Variants in LARP1 observed in about 807,000 individuals in gnomAD.
The protein encoded by LARP1 is la-related protein 1.
In LARP1, 36 loss-of-function variants were observed where a neutral mutation model predicts 122.7. That is an observed-to-expected ratio of 0.29 (90% CI 0.22 to 0.39). The LOEUF (loss-of-function observed/expected upper bound fraction) is 0.39. Ranked by LOEUF, LARP1 falls within the 10% of genes least tolerant of loss-of-function variation. The probability of loss-of-function intolerance (pLI) is 1.00; values close to 1 mark genes in which losing one functional copy is unlikely to be tolerated. For synonymous variants in LARP1, 539 were observed against 528.7 expected (o/e 1.02, Z -0.27); for missense variants, 1,040 against 1,403.6 (o/e 0.74, Z 4.14).
chr5:154,789,890 TC>T (rs1215192289), intron 1 of LARP1, among the ~76,000 whole-genome samples: 2 of 152,324 alleles, frequency 1.3e-5, no homozygotes, highest in East Asian at 3.9e-4. Context: ...TGATCACTAG[TC>T]CTGGTCTGCT....
Position 154,800,023 on chromosome 5 carries a change from C to A in LARP1, c.1697C>A (p.Pro566Gln). 1 of 1,613,784 alleles carries A rather than the reference C, an allele frequency of 6.2e-7. No individual in the cohort carries two copies. Among genetic ancestry groups the A allele is most frequent in the African/African-American group, 1.3e-5 (1 of 75,062 alleles). ...ATTGAAGTGAAGAAGAGGCCTCGGCCATCCCCAGCACGGCCCAAGGTGGGT... is the reference window on the plus strand; with the variant it reads ...ATTGAAGTGAAGAAGAGGCCTCGGCAATCCCCAGCACGGCCCAAGGTGGGT... Reference protein sequence around the residue: ...NWIEVKKRPRPSPARPKKSEE... With the variant: ...NWIEVKKRPRQSPARPKKSEE... Residue 566 changes from proline to glutamine, a missense_variant, in exon 10 of 19, where the codon CCA (proline) becomes CAA (glutamine). Pro to Gln is a moderately conservative substitution (Grantham distance 76). Coordinates refer to ENST00000518297, the MANE Select transcript of LARP1 (RefSeq NM_033551.3).
intron 1 of LARP1, among the ~76,000 whole-genome samples, chr5:154,701,743 T>C (rs1395769422): frequency 1.3e-5 from 2 of 151,514 alleles, no homozygotes; most frequent in Non-Finnish European, 2.9e-5. Context: ...TGCCTCAGCC[T>C]CCTGAGTAGC....
chr5:154,731,667 T>C (rs1044074671), intron 1 of LARP1, among the ~76,000 whole-genome samples: 5 of 152,100 alleles, frequency 3.3e-5, no homozygotes, highest in African/African-American at 4.8e-5. Context: ...CACCTGATGC[T>C]GAAAGAGGTT....
chr5:154,791,382 T>C (rs1245627009), intron 3 of LARP1, among the ~76,000 whole-genome samples: 3 of 151,482 alleles, frequency 2.0e-5, no homozygotes, highest in Non-Finnish European at 4.4e-5. Flanking sequence ...CCTGGCTAAT[T>C]TTTGTATATT....
chr5:154,762,580 G>A (rs1413594083), intron 1 of LARP1, among the ~76,000 whole-genome samples: 6 of 152,162 alleles, frequency 3.9e-5, no homozygotes, highest in African/African-American at 1.4e-4. Context: ...TAGGTGTGGG[G>A]AGGGGAGGAT....
rs1008772557 is a variant in LARP1 at position 154,817,366 on chromosome 5, C to A, written c.*3270C>A. 6.6e-6 allele frequency: 1 copy of A among 152,576 alleles called. No individual in the cohort carries two copies. Among genetic ancestry groups the A allele is most frequent in the Non-Finnish European group, 1.5e-5 (1 of 68,030 alleles). The allele number at this position is 152,576 out of a possible 1,614,324, so 9.5% of individuals were successfully genotyped here. ...GCTTTGCGGAGAAGGTTCCACCTTACGCTCGTAGTACATTATCTTTACTAT... is the reference window on the plus strand; with the variant it reads ...GCTTTGCGGAGAAGGTTCCACCTTAAGCTCGTAGTACATTATCTTTACTAT... On this transcript the variant is annotated 3_prime_UTR_variant, in exon 19 of 19. Coordinates refer to ENST00000518297, the MANE Select transcript of LARP1 (RefSeq NM_033551.3).
chr5:154,787,168 C>T (rs1005236074), intron 1 of LARP1, among the ~76,000 whole-genome samples: 24 of 152,160 alleles, frequency 1.6e-4, no homozygotes, highest in African/African-American at 5.6e-4. Flanking sequence ...CGTGAGCCAC[C>T]GTGTCTGGCT....
chr5:154,762,658 C>A (rs1224476167), intron 1 of LARP1, among the ~76,000 whole-genome samples: 1 of 152,176 alleles, frequency 6.6e-6, no homozygotes, highest in African/African-American at 2.4e-5. Context: ...CATGGGACTT[C>A]TCCATCTCAG....
In LARP1 at chr5:154,815,227, G is replaced by A. The variant is rs1019898957; in HGVS notation, c.*1131G>A. 3.3e-5 allele frequency: 5 copies of A among 152,404 alleles called. No homozygotes were observed. The highest frequency in any genetic ancestry group is 7.3e-5 in the African/African-American group (3 of 41,340). 9.4% of individuals were successfully genotyped at this position (152,404 alleles called of 1,614,324 possible). ...CCCAAGATATCCCTGCTGTTGCATC[G>A]TTTGAAGCTGACGTCCTGTGTCTGT... On this transcript the variant is annotated 3_prime_UTR_variant, in exon 19 of 19. Transcript: ENST00000518297.
intron 6 of LARP1, 21 bp downstream of exon 6, chr5:154,794,021 C>T (rs771212723): frequency 1.9e-6 from 3 of 1,607,958 alleles, no homozygotes; most frequent in African/African-American, 1.3e-5. Flanking sequence ...CCCCTTTGGG[C>T]TCCGGGATGT....
intron 1 of LARP1, among the ~76,000 whole-genome samples, chr5:154,773,162 G>A (rs745886851): frequency 6.6e-6 from 1 of 151,938 alleles, no homozygotes; most frequent in African/African-American, 2.4e-5. Context: ...GAAAACGTAC[G>A]AATGGGGGCT....
chr5:154,715,852 T>G (rs899847381), intron 1 of LARP1, among the ~76,000 whole-genome samples: 7 of 152,196 alleles, frequency 4.6e-5, no homozygotes, highest in Admixed American at 1.3e-4. Context: ...GCTAACAATT[T>G]TACTAGATGT....
At chr5:154,804,734 T>G (rs930545911) in intron 14 of LARP1, 3 of 456,008 alleles carry the variant, frequency 6.6e-6, no homozygotes, top group African/African-American at 6.0e-5. Context: ...CTGACCCTGC[T>G]TCTTGGGGTA....
intron 1 of LARP1, among the ~76,000 whole-genome samples, chr5:154,771,458 C>T (rs929564439): frequency 6.6e-6 from 1 of 152,204 alleles, no homozygotes; most frequent in Non-Finnish European, 1.5e-5. Context: ...GAAGGCTTCA[C>T]AGTAGTTAGT....
intron 1 of LARP1, among the ~76,000 whole-genome samples, chr5:154,684,985 C>T (rs1753857687): frequency 6.6e-6 from 1 of 152,132 alleles, no homozygotes. Context: ...GTGGCTCATG[C>T]CTGTAATCTC....
intron 1 of LARP1, among the ~76,000 whole-genome samples, chr5:154,716,830 C>A (rs182094765): frequency 6.6e-6 from 1 of 152,158 alleles, no homozygotes; most frequent in Non-Finnish European, 1.5e-5. Context: ...GGGGCTAAGG[C>A]AGGCAACTTG....
intron 1 of LARP1, among the ~76,000 whole-genome samples, chr5:154,790,014 G>A (rs1401203549): frequency 6.6e-6 from 1 of 152,168 alleles, no homozygotes; most frequent in South Asian, 2.1e-4. Context: ...CTTTCTCCAG[G>A]CCTCAGTCTC....
rs1195454581 is a variant in LARP1 at position 154,755,387 on chromosome 5, C to T, written c.-371C>T. Among the ~76,000 whole-genome samples, 2 of 151,256 alleles carry T rather than the reference C, an allele frequency of 1.3e-5. No individual in the cohort carries two copies. Among genetic ancestry groups the T allele is most frequent in the Non-Finnish European group, 3.0e-5 (2 of 67,626 alleles). On this transcript the variant is annotated 5_prime_UTR_variant, in exon 1 of 19. Coordinates refer to ENST00000518297, the MANE Select transcript of LARP1 (RefSeq NM_033551.3). ...GCCTCTCCCCCGTCCGTCCATATTGCTGCAGCCCCCGAGCCGGGAAGCCCG... is the reference window on the plus strand; with the variant it reads ...GCCTCTCCCCCGTCCGTCCATATTGTTGCAGCCCCCGAGCCGGGAAGCCCG...
At chr5:154,749,344 G>T (rs1430963709) in intron 1 of LARP1, among the ~76,000 whole-genome samples, 2 of 152,192 alleles carry the variant, frequency 1.3e-5, no homozygotes, top group Admixed American at 1.3e-4. Flanking sequence ...ACTCAGAGGG[G>T]TGAGTGTGTT....
Sources: gnomAD v4.1 joint callset for allele counts (sites outside exome capture counted in the v4.1 genomes callset) on GRCh38, gnomAD v4.1.1 for gene constraint, MANE v1.5 for transcripts, NCBI Gene and HGNC (gene_info 2026-07-23, HGNC 2026-07-21) for gene names.